The following CUX1 variants were observed in gnomAD, a reference collection of about 807,000 sequenced individuals.
The protein encoded by CUX1 is cut like homeobox 1, also known as protein CASP.
CUX1 carries 31 observed loss-of-function variants against 158.8 expected under a neutral mutation model. The observed-to-expected ratio is 0.20, with a 90% CI of 0.15 to 0.26. The LOEUF is 0.26. Ranked by LOEUF, CUX1 falls within the 10% of genes least tolerant of loss-of-function variation. CUX1 has a pLI of 1.00. For missense variants in CUX1, 1,589 were observed against 2,014.6 expected (o/e 0.79, Z 4.04); for synonymous variants, 879 against 862.1 (o/e 1.02, Z -0.34).
In CUX1 at chr7:102,248,880, G is replaced by T; in HGVS notation, c.4356G>T (p.Arg1452Ser). The change falls in exon 24 of 24, where the codon AGG becomes AGT. Residue 1452 changes from arginine (R) to serine (S), a missense_variant. By Grantham distance (110) the Arg-to-Ser change is moderately radical. Coordinates refer to ENST00000292535, the MANE Select transcript of CUX1 (RefSeq NM_181552.4). This position sits in a 1 kb window ranked among gnomAD's most constrained non-coding sequence, Gnocchi z 5.8. ...SNSSSSSAPR[R>S]PSSLQSLFGL... is the part of the protein sequence containing the mutation. ...GCAGCAGCAGCAGCGCCCCCCGCAG[G>T]CCCAGCTCGCTGCAGAGCCTTTTCG... The T allele has an allele frequency of 7.3e-7, 1 of 1,375,636 alleles. No individual in the cohort carries two copies. The highest frequency in any genetic ancestry group is 1.5e-5 in the South Asian group (1 of 68,720). 85.2% of individuals were successfully genotyped at this position (1,375,636 alleles called of 1,614,324 possible).
Position 102,227,352 on chromosome 7 carries a change from G to T in CUX1, c.3131-15G>T, listed in dbSNP as rs1554528937. Reference sequence around the variant, plus strand: ...GCTATTTTCAGGCACGGTTTCTCGTGTGCTTTAATTACAGAAAGCACTCCA... The same window carrying T: ...GCTATTTTCAGGCACGGTTTCTCGTTTGCTTTAATTACAGAAAGCACTCCA... On this transcript the variant is annotated splice_polypyrimidine_tract_variant and intron_variant, in intron 20 of 23. Transcript: ENST00000292535. 1 of 1,591,394 alleles carries T rather than the reference G, an allele frequency of 6.3e-7. No homozygotes were observed.
intron 1 of CUX1, among the ~76,000 whole-genome samples, chr7:101,905,784 C>T (rs1265726138): frequency 2.0e-5 from 3 of 152,164 alleles, no homozygotes; most frequent in Non-Finnish European, 2.9e-5. Context: ...CTTATTAACC[C>T]GCCAGATAAC....
chr7:102,099,879 C>A (rs1239823363), intron 5 of CUX1, among the ~76,000 whole-genome samples: 1 of 152,094 alleles, frequency 6.6e-6, no homozygotes, highest in African/African-American at 2.4e-5. Flanking sequence ...CAGGGCTTTG[C>A]ACAGGGGCTG....
At chr7:101,856,743 CGAG>C (rs1796878045) in intron 1 of CUX1, among the ~76,000 whole-genome samples, 1 of 152,190 alleles carries the variant, frequency 6.6e-6, no homozygotes, top group Non-Finnish European at 1.5e-5. Flanking sequence ...CCGACTTTCA[CGAG>C]GAGTTGACAG....
chr7:102,083,770 AT>A (rs1471476355), intron 4 of CUX1, among the ~76,000 whole-genome samples: 2 of 146,924 alleles, frequency 1.4e-5, no homozygotes, highest in African/African-American at 4.9e-5. Flanking sequence ...TCTGAGCAGT[AT>A]TTTACAGTTT....
At chr7:102,263,011 CTTTT>C (rs58568731), downstream of CUX1, among the ~76,000 whole-genome samples, 27 of 127,176 alleles carry the variant, frequency 2.1e-4, no homozygotes, top group Admixed American at 2.6e-4. Context: ...AAGGGTTAAA[CTTTT>C]TTTTTTTTTT....
intron 16 of CUX1, among the ~76,000 whole-genome samples, chr7:102,199,388 C>T (rs1001640633): frequency 5.3e-5 from 8 of 152,140 alleles, no homozygotes; most frequent in Non-Finnish European, 1.0e-4. Context: ...TTAAACTATC[C>T]GGGTGGCTTC....
chr7:101,930,385 C>T (rs1806153509), intron 2 of CUX1, among the ~76,000 whole-genome samples: 1 of 152,188 alleles, frequency 6.6e-6, no homozygotes, highest in Admixed American at 6.5e-5. Context: ...GTGGGAAAAT[C>T]TCCCCTTCCA....
At chr7:102,158,894 T>G (rs1057077408) in intron 9 of CUX1, among the ~76,000 whole-genome samples, 2 of 152,246 alleles carry the variant, frequency 1.3e-5, no homozygotes, top group Non-Finnish European at 1.5e-5. Context: ...CTACTCCATC[T>G]CTAAACACCC....
chr7:102,213,751 G>A (rs1319475777), intron 20 of CUX1, among the ~76,000 whole-genome samples: 10 of 152,200 alleles, frequency 6.6e-5, no homozygotes, highest in African/African-American at 2.4e-4. Flanking sequence ...TCAGGTGATT[G>A]CAGAAAGGGG....
intron 2 of CUX1, among the ~76,000 whole-genome samples, chr7:101,996,659 C>T (rs1563107555): frequency 6.7e-6 from 1 of 149,600 alleles, no homozygotes; most frequent in African/African-American, 2.5e-5. Context: ...CCCTCCCTCC[C>T]TCCCTCCATC....
rs118010189 is a variant in CUX1 at position 102,278,021 on chromosome 7, A to C, written c.1636A>C (p.Lys546Gln). The change falls in exon 18 of 23, where the codon AAG becomes CAG. Residue 546 changes from lysine (K) to glutamine (Q), a missense_variant. Lys to Gln is a moderately conservative substitution (Grantham distance 53, BLOSUM62 1). Transcript: ENST00000292538. ...GGACAGCCTGCGCGCCGACAACATC[A>C]AGCTCTTTGAGAAGATCAAGTTCCT... The C allele has an allele frequency of 7.9e-3, 12,696 of 1,608,476 alleles. 66 individuals are homozygous for C. Among genetic ancestry groups the C allele is most frequent in the Non-Finnish European group, 9.0e-3 (10,542 of 1,177,558 alleles).
intron 2 of CUX1, among the ~76,000 whole-genome samples, chr7:101,981,101 G>C (rs1182152475): frequency 3.9e-5 from 6 of 152,212 alleles, no homozygotes; most frequent in South Asian, 2.1e-4. Flanking sequence ...CCTAGGGAGA[G>C]GCCTCTTTTG....
chr7:102,273,507 C>T (rs1306946715), intron 15 of CUX1: 11 of 1,603,258 alleles, frequency 6.9e-6, no homozygotes, highest in Non-Finnish European at 9.4e-6. Flanking sequence ...AGCCCACCCC[C>T]CTGCCCCATG....
At chr7:102,259,201 C>T (rs556897471), downstream of CUX1, among the ~76,000 whole-genome samples, 2 of 152,364 alleles carry the variant, frequency 1.3e-5, no homozygotes, top group East Asian at 3.9e-4. Context: ...GTGCCCTCGG[C>T]AGCCCCGTGT....
At chr7:101,989,001 A>T (rs202165) in intron 2 of CUX1, among the ~76,000 whole-genome samples, 89,509 of 146,332 alleles carry the variant, frequency 0.61, 28,063 homozygotes, top group East Asian at 0.95. Context: ...CTCAAAAAAA[A>T]AATAATAATA....
chr7:102,043,111 TG>T lies in CUX1; in HGVS notation c.189+14968del, dbSNP rs1822312802. Among the ~76,000 whole-genome samples the T allele has an allele frequency of 3.3e-5, 5 of 152,028 alleles. No homozygotes were observed. In the South Asian group the frequency reaches 1.1e-3, roughly 32 times the overall value. On this transcript the variant is annotated intron_variant, in intron 3 of 23. Transcript: ENST00000292535. ...GACTGTGGACGTGTGCCACCACGCC[TG>T]GCTAATTTTTTTATTTTTTGTAGAG...
intron 1 of CUX1, among the ~76,000 whole-genome samples, chr7:101,867,114 G>A (rs963925505): frequency 1.3e-5 from 2 of 152,186 alleles, no homozygotes; most frequent in African/African-American, 4.8e-5. Context: ...CTACCCGGGA[G>A]GCTGAGGCAG....
chr7:102,229,359 G>A (rs1554529822), intron 21 of CUX1, among the ~76,000 whole-genome samples: 1 of 148,676 alleles, frequency 6.7e-6, no homozygotes, highest in East Asian at 2.0e-4. Context: ...CTGGAGTGCA[G>A]TGGCGCAACC....
Sources: allele counts gnomAD v4.1 joint callset (sites outside exome capture counted in the v4.1 genomes callset), GRCh38; gene constraint gnomAD v4.1.1; non-coding constraint Gnocchi (gnomAD v3.1); transcripts MANE v1.5; gene names NCBI Gene and HGNC (gene_info 2026-07-23, HGNC 2026-07-21).